FRMD4B: variants seen among roughly 807,000 people sequenced by gnomAD.
FRMD4B encodes the protein FERM domain containing 4B, also known as FERM domain-containing protein 4B.
Under a neutral mutation model 141.5 loss-of-function variants are expected in FRMD4B, and 74 were observed. The observed-to-expected ratio is 0.52, with a 90% CI of 0.43 to 0.63. FRMD4B has a LOEUF of 0.63. Among genes scored for constraint, FRMD4B ranks in the 30% least tolerant of loss-of-function variants. FRMD4B has a pLI of 0.00. For missense variants in FRMD4B, 1,366 were observed against 1,253.4 expected, an observed-to-expected ratio of 1.09 and a Z score of -1.36; for synonymous variants, 506 against 467.9, an observed-to-expected ratio of 1.08 and a Z score of -1.05.
At position 69,180,939 on chromosome 3, in the gene FRMD4B, T is replaced by C. The variant is rs2092700352; in HGVS notation, c.2811A>G (p.Val937=). ...ATGCACGACTGCTTGGAGAACAAGG[T>C]ACTTGCAGCCCCGCAAACCCCAGGC... ...QRCLGFAGLQ[V]PCSPSSRASS... The change falls in exon 21 of 23, where the codon GTA becomes GTG. Residue 937 remains valine, a synonymous_variant. Transcript: ENST00000398540. The C allele has an allele frequency of 6.2e-7, 1 of 1,612,386 alleles. No homozygotes were observed. Among genetic ancestry groups the C allele is most frequent in the African/African-American group, 1.3e-5 (1 of 74,996 alleles).
At chr3:69,265,148 G>A (rs1575671702) in intron 5 of FRMD4B, among the ~76,000 whole-genome samples, 1 of 146,660 alleles carries the variant, frequency 6.8e-6, no homozygotes, top group South Asian at 2.2e-4. Context: ...CCAGCTACTC[G>A]GGAGGCTGAG....
At chr3:69,279,804 T>A (rs2093636577) in intron 5 of FRMD4B, among the ~76,000 whole-genome samples, 1 of 139,964 alleles carries the variant, frequency 7.1e-6, no homozygotes, top group Admixed American at 7.2e-5. Context: ...CTCCTCCTCC[T>A]CCTCTTCCTT....
intron 1 of FRMD4B, among the ~76,000 whole-genome samples, chr3:69,449,761 T>C (rs547461422): frequency 3.3e-5 from 5 of 152,292 alleles, no homozygotes; most frequent in South Asian, 4.1e-4. Flanking sequence ...TCAATGGTTA[T>C]ACAGGTTCAA....
chr3:69,536,740 T>A, intron 1 of FRMD4B: 2 of 569,452 alleles, frequency 3.5e-6, no homozygotes, highest in Non-Finnish European at 6.4e-6. Context: ...TTCCTCAGTT[T>A]AATTTTTTTA....
chr3:69,346,122 T>C (rs1702931879), intron 1 of FRMD4B, among the ~76,000 whole-genome samples: 1 of 151,908 alleles, frequency 6.6e-6, no homozygotes, highest in Non-Finnish European at 1.5e-5. Context: ...ATAACCAGTG[T>C]AGAGATGTCC....
chr3:69,188,421 A>G (rs2092793939), intron 18 of FRMD4B, among the ~76,000 whole-genome samples: 1 of 152,212 alleles, frequency 6.6e-6, no homozygotes, highest in Admixed American at 6.5e-5. Flanking sequence ...AGGGATGGCA[A>G]GCATGACCAA....
intron 1 of FRMD4B, among the ~76,000 whole-genome samples, chr3:69,502,864 A>G (rs79972644): frequency 0.021 from 3,147 of 152,286 alleles, 95 homozygotes; most frequent in East Asian, 0.12. Flanking sequence ...CCCATCAAAA[A>G]GTGGGCAAAG....
chr3:69,373,038 C>A (rs1452880954), intron 1 of FRMD4B, among the ~76,000 whole-genome samples: 3 of 152,172 alleles, frequency 2.0e-5, no homozygotes, highest in African/African-American at 7.2e-5. Context: ...CAAACACCTC[C>A]ATGATTTGAC....
intron 1 of FRMD4B, among the ~76,000 whole-genome samples, chr3:69,352,011 A>G (rs559788021): frequency 3.9e-5 from 6 of 152,318 alleles, no homozygotes; most frequent in East Asian, 3.9e-4. Flanking sequence ...CCTCCATTCT[A>G]GTAGTAACAA....
chr3:69,192,492 G>T (rs57765607), intron 17 of FRMD4B, among the ~76,000 whole-genome samples: 19 of 152,100 alleles, frequency 1.2e-4, no homozygotes, highest in Admixed American at 2.6e-4. Context: ...TCATATTTCA[G>T]TCACCAGGCT....
chr3:69,317,401 T>C (rs1701835866), intron 1 of FRMD4B, among the ~76,000 whole-genome samples: 1 of 151,866 alleles, frequency 6.6e-6, no homozygotes, highest in African/African-American at 2.4e-5. Context: ...TTTGTGTGTG[T>C]GGAGAAAAGG....
intron 1 of FRMD4B, among the ~76,000 whole-genome samples, chr3:69,341,500 T>A (rs989012901): frequency 6.6e-6 from 1 of 152,108 alleles, no homozygotes; most frequent in Non-Finnish European, 1.5e-5. Flanking sequence ...GGAGTGGAGG[T>A]GGCAAGGCTT....
intron 3 of FRMD4B, chr3:69,310,575 CACACACAGAGAGAGAGAGAG>C (rs922915068): frequency 1.6e-5 from 4 of 255,882 alleles, no homozygotes; most frequent in Non-Finnish European, 2.4e-5. Flanking sequence ...CACACACACA[CACACACAGAGAGAGAGAGAG>C]AGAGAGAGAG....
intron 1 of FRMD4B, among the ~76,000 whole-genome samples, chr3:69,452,405 A>G (rs565082708): frequency 1.2e-4 from 18 of 152,376 alleles, no homozygotes; most frequent in Admixed American, 1.2e-3. Flanking sequence ...CCACTTACCG[A>G]GTGGGTGACC....
At chr3:69,176,414 C>A in intron 22 of FRMD4B, 110 bp downstream of exon 22, 1 of 867,936 alleles carries the variant, frequency 1.2e-6, no homozygotes, top group Non-Finnish European at 1.9e-6. Flanking sequence ...GGCCCACAGG[C>A]TAGAGTTTGC....
rs538476884 is a variant in FRMD4B, at chr3:69,307,173, G to A, written c.323+4090C>T. ...AGTGCACAGAGGACATTGTGGAGCC[G>A]GGGTTCTTGGAAAGACCATGACTAT... On this transcript the variant is annotated intron_variant, in intron 3 of 22. Coordinates refer to ENST00000398540, the MANE Select transcript of FRMD4B (RefSeq NM_015123.3). 7.2e-5 allele frequency among the ~76,000 whole-genome samples: 11 copies of A among 152,118 alleles called. No homozygotes were observed. The East Asian group carries it at 7.7e-4, about 11-fold the overall frequency.
At chr3:69,270,102 A>C (rs1449332088) in intron 5 of FRMD4B, among the ~76,000 whole-genome samples, 1 of 151,880 alleles carries the variant, frequency 6.6e-6, no homozygotes, top group African/African-American at 2.4e-5. Flanking sequence ...CTGCAGCCTC[A>C]ACCTGCAGGC....
intron 2 of FRMD4B, among the ~76,000 whole-genome samples, chr3:69,418,822 A>ATGTG (rs147894176): frequency 0.26 from 38,862 of 150,338 alleles, 5,419 homozygotes; most frequent in East Asian, 0.43. Context: ...CATAGCAACT[A>ATGTG]TGTGTGTGTG....
chr3:69,289,734 G>C (rs1017989867), intron 4 of FRMD4B, among the ~76,000 whole-genome samples: 1 of 152,134 alleles, frequency 6.6e-6, no homozygotes, highest in African/African-American at 2.4e-5. Context: ...GGAAGGTGGA[G>C]GCTGCAGTGA....
Sources: allele counts gnomAD v4.1 joint callset (sites outside exome capture counted in the v4.1 genomes callset), GRCh38; gene constraint gnomAD v4.1.1; transcripts MANE v1.5; gene names NCBI Gene and HGNC (gene_info 2026-07-23, HGNC 2026-07-21).